Variants in CACNA2D1 observed in about 807,000 individuals in gnomAD.
The protein encoded by CACNA2D1 is voltage-dependent calcium channel subunit alpha-2/delta-1.
In CACNA2D1, 53 loss-of-function variants were observed where a neutral mutation model predicts 171.5. The ratio of observed to expected loss-of-function variants is 0.31; its 90% CI spans 0.25 to 0.39. CACNA2D1 has a LOEUF of 0.39. CACNA2D1 is among the 10% of genes least tolerant of loss of function. The probability of loss-of-function intolerance (pLI) is 1.00; values close to 1 mark genes in which losing one functional copy is unlikely to be tolerated. For synonymous variants in CACNA2D1, 442 were observed against 443.1 expected, an observed-to-expected ratio of 1.00 and a Z score of 0.03; for missense variants, 903 against 1,299.8, an observed-to-expected ratio of 0.69 and a Z score of 4.69.
At chr7:82,110,395 A>G (rs1788233998) in intron 6 of CACNA2D1, among the ~76,000 whole-genome samples, 1 of 152,176 alleles carries the variant, frequency 6.6e-6, no homozygotes, top group Non-Finnish European at 1.5e-5. Context: ...ATGTGAGGAC[A>G]CACTGAGAAG....
chr7:82,005,237 G>C, intron 18 of CACNA2D1, 186 bp downstream of exon 18: 1 of 552,952 alleles, frequency 1.8e-6, no homozygotes, highest in Non-Finnish European at 3.3e-6. Flanking sequence ...AACAGAAAAT[G>C]AAAACTGCTT....
At chr7:82,378,947 G>C (rs1013686095) in intron 1 of CACNA2D1, among the ~76,000 whole-genome samples, 4 of 84,920 alleles carry the variant, frequency 4.7e-5, no homozygotes, top group South Asian at 3.1e-4. Context: ...TCGTGTGTGT[G>C]TGTGTGTGTG....
rs772889955 is a variant in CACNA2D1 at position 81,964,251 on chromosome 7, C to T, written c.2683G>A (p.Gly895Ser). 63 of 1,612,588 alleles carry T rather than the reference C, an allele frequency of 3.9e-5. No homozygotes were observed. The highest frequency in any genetic ancestry group is 5.0e-5 in the Non-Finnish European group (59 of 1,179,202). Residue 895 changes from glycine (G) to serine (S), a missense_variant, in exon 33 of 39, where the codon GGT (glycine) becomes AGT (serine). Physicochemically the swap from Gly to Ser is moderately conservative, Grantham distance 56. Transcript: ENST00000356860. ...CCTGCTCCTTGTTTTGGTGCAGCAC[C>T]GGGCTCACATACTGACTGATAATCA... ...SYDYQSVCEPGAAPKQGAGHR... is the reference protein window; with the variant it reads ...SYDYQSVCEPSAAPKQGAGHR...
intron 3 of CACNA2D1, among the ~76,000 whole-genome samples, chr7:82,274,855 T>TATGAATGAATGAATGAATGA (rs71522608): frequency 8.7e-5 from 13 of 150,272 alleles, no homozygotes; most frequent in African/African-American, 1.5e-4. Context: ...TACAGGTATT[T>TATGAATGAATGAATGAATGA]ATGAATGAAT....
chr7:82,038,259 A>G, intron 10 of CACNA2D1, 24 bp from the exon 11 acceptor site: 1 of 1,592,650 alleles, frequency 6.3e-7, no homozygotes, highest in Non-Finnish European at 8.6e-7. Flanking sequence ...AAAAGTAAAT[A>G]TATAAATGAA....
At chr7:82,219,292 T>C (rs78300405) in intron 3 of CACNA2D1, among the ~76,000 whole-genome samples, 5,164 of 152,240 alleles carry the variant, frequency 0.034, 271 homozygotes, top group African/African-American at 0.12. Context: ...CACACAACAA[T>C]ATAGCATACT....
intron 3 of CACNA2D1, among the ~76,000 whole-genome samples, chr7:82,231,696 C>T (rs752798046): frequency 2.0e-5 from 3 of 151,996 alleles, no homozygotes; most frequent in Non-Finnish European, 4.4e-5. Flanking sequence ...TTCACCTCAC[C>T]CATCCCATAT....
intron 35 of CACNA2D1, 127 bp from the exon 36 acceptor site, chr7:81,962,150 C>CTTGT (rs775998474): frequency 7.9e-5 from 65 of 826,988 alleles, no homozygotes; most frequent in Non-Finnish European, 1.2e-4. Context: ...CCTCGACTGG[C>CTTGT]TTGTTTACTG....
intron 1 of CACNA2D1, among the ~76,000 whole-genome samples, chr7:82,417,879 C>T (rs186609148): frequency 2.6e-3 from 395 of 152,188 alleles, no homozygotes; most frequent in Non-Finnish European, 3.7e-3. Flanking sequence ...AACATATTTA[C>T]GTTTTGTAAA....
chr7:82,013,227 A>T (rs946957847), intron 14 of CACNA2D1, among the ~76,000 whole-genome samples: 2 of 151,982 alleles, frequency 1.3e-5, no homozygotes, highest in Admixed American at 1.3e-4. Context: ...TGTTTGTAAC[A>T]TCTGAAAATA....
chr7:82,104,959 G>A (rs1023050772), intron 6 of CACNA2D1, among the ~76,000 whole-genome samples: 1 of 151,858 alleles, frequency 6.6e-6, no homozygotes, highest in African/African-American at 2.4e-5. Flanking sequence ...AAATATTCTT[G>A]GAAATCCTTA....
intron 1 of CACNA2D1, among the ~76,000 whole-genome samples, chr7:82,407,812 A>T (rs890643740): frequency 1.3e-5 from 2 of 152,104 alleles, no homozygotes; most frequent in African/African-American, 4.8e-5. Context: ...TGAACAAATA[A>T]TCATTTCTAT....
chr7:81,968,477 T>C (rs1794938541), intron 29 of CACNA2D1, among the ~76,000 whole-genome samples: 1 of 151,422 alleles, frequency 6.6e-6, no homozygotes. Context: ...TATGCCATAT[T>C]TATCTTTTCC....
intron 1 of CACNA2D1, among the ~76,000 whole-genome samples, chr7:82,419,576 T>C (rs1017333258): frequency 1.3e-5 from 2 of 152,236 alleles, no homozygotes; most frequent in Non-Finnish European, 2.9e-5. Context: ...GTACATTACA[T>C]AATTACACTT....
chr7:82,111,444 A>ATATATATATATATATAT (rs1207440298), intron 6 of CACNA2D1, among the ~76,000 whole-genome samples: 3 of 69,968 alleles, frequency 4.3e-5, no homozygotes, highest in Admixed American at 1.6e-4. Flanking sequence ...ATATATATAT[A>ATATATATATATATATAT]TTTTTTTTTT....
intron 9 of CACNA2D1, among the ~76,000 whole-genome samples, chr7:82,060,815 T>C (rs551400754): frequency 6.6e-6 from 1 of 152,194 alleles, no homozygotes; most frequent in African/African-American, 2.4e-5. Flanking sequence ...ACTGATGGTA[T>C]AGTCACTCAT....
At chr7:82,268,262 T>C (rs1319247664) in intron 3 of CACNA2D1, among the ~76,000 whole-genome samples, 17 of 152,148 alleles carry the variant, frequency 1.1e-4, no homozygotes, top group Admixed American at 1.1e-3. Flanking sequence ...AAGTTAAAAT[T>C]TGTCTTTTTT....
At chr7:82,131,157 AG>A (rs1202220692) in intron 5 of CACNA2D1, among the ~76,000 whole-genome samples, 1 of 152,128 alleles carries the variant, frequency 6.6e-6, no homozygotes, top group Non-Finnish European at 1.5e-5. Context: ...ATTTCTTTAC[AG>A]TAAACTGCAG....
intron 10 of CACNA2D1, among the ~76,000 whole-genome samples, chr7:82,043,096 G>A (rs1178507372): frequency 6.6e-6 from 1 of 152,166 alleles, no homozygotes; most frequent in African/African-American, 2.4e-5. Flanking sequence ...TTAGAAGCCA[G>A]TATAAAATGT....
Sources: gnomAD v4.1 joint callset for allele counts (sites outside exome capture counted in the v4.1 genomes callset) on GRCh38, gnomAD v4.1.1 for gene constraint, MANE v1.5 for transcripts, NCBI Gene and HGNC (gene_info 2026-07-23, HGNC 2026-07-21) for gene names.